ACVR2A: variants seen among roughly 807,000 people sequenced by gnomAD.
ACVR2A encodes activin A receptor type 2A, also known as activin receptor type-2A.
A neutral mutation model predicts 61.4 loss-of-function variants in ACVR2A; 7 were observed. The observed-to-expected ratio is 0.11, with a 90% CI of 0.06 to 0.21. The LOEUF (loss-of-function observed/expected upper bound fraction) is 0.21, where lower values mean the gene tolerates loss of function less well. ACVR2A is among the 10% of genes least tolerant of loss of function. The pLI is 1.00. For synonymous variants in ACVR2A, 193 were observed against 208.3 expected (o/e 0.93, Z 0.63); for missense variants, 322 against 621.7 (o/e 0.52, Z 5.13).
At chr2:147,857,543 A>G (rs953505577) in intron 1 of ACVR2A, among the ~76,000 whole-genome samples, 1 of 151,524 alleles carries the variant, frequency 6.6e-6, no homozygotes, top group Non-Finnish European at 1.5e-5. Context: ...AAAAAAAAAA[A>G]AAAAAAAACA....
chr2:147,890,875 A>G, intron 1 of ACVR2A, among the ~76,000 whole-genome samples: 1 of 152,096 alleles, frequency 6.6e-6, no homozygotes, highest in East Asian at 1.9e-4. Flanking sequence ...CTGATTGCAG[A>G]ATCAGCTTGA....
intron 1 of ACVR2A, among the ~76,000 whole-genome samples, chr2:147,865,960 A>C (rs1475732578): frequency 6.6e-6 from 1 of 152,110 alleles, no homozygotes; most frequent in African/African-American, 2.4e-5. Flanking sequence ...CACCAGGTAA[A>C]TAGAGAGGGA....
At chr2:147,915,717 G>T (rs534969262) in intron 5 of ACVR2A, among the ~76,000 whole-genome samples, 1 of 151,900 alleles carries the variant, frequency 6.6e-6, no homozygotes, top group East Asian at 1.9e-4. Flanking sequence ...TTTTAGAATT[G>T]GTATTTAGAG....
At position 147,928,817 on chromosome 2, in the gene ACVR2A, C is replaced by CATTA. The variant is rs1360298834; in HGVS notation, c.*1547_*1550dup. The CATTA allele has an allele frequency of 6.6e-6, 1 of 152,266 alleles. No individual in the cohort carries two copies. The highest frequency in any genetic ancestry group is 1.5e-5 in the Non-Finnish European group (1 of 67,922). The allele number at this position is 152,266 out of a possible 1,614,324, so 9.4% of individuals were successfully genotyped here. On this transcript the variant is annotated 3_prime_UTR_variant, in exon 11 of 11. Transcript: ENST00000241416. ...AATTTATACAGGCCAAAAAGTAAAA[C>CATTA]ATTAATTTTCTGAATTTCCAGATTA...
chr2:147,904,706 C>T (rs1283082541), intron 4 of ACVR2A, among the ~76,000 whole-genome samples: 1 of 151,854 alleles, frequency 6.6e-6, no homozygotes, highest in African/African-American at 2.4e-5. Flanking sequence ...ACTGAGAAAC[C>T]AAGCCATCTG....
chr2:147,881,760 T>G (rs1686308272), intron 1 of ACVR2A, among the ~76,000 whole-genome samples: 1 of 151,868 alleles, frequency 6.6e-6, no homozygotes, highest in South Asian at 2.1e-4. Flanking sequence ...CTAACTTGTC[T>G]ATCATTAAGT....
chr2:147,867,889 G>C lies in ACVR2A; in HGVS notation c.55+22682G>C, dbSNP rs1041801017. Among the ~76,000 whole-genome samples the C allele has an allele frequency of 3.9e-5, 6 of 152,016 alleles. No individual in the cohort carries two copies. In the East Asian group the frequency reaches 1.2e-3, roughly 29 times the overall value. ...GACTTCTGATCTTTACTACCCTTGT[G>C]CCTTGTGCCTCTACACTCCGCTGAT... On this transcript the variant is annotated intron_variant, in intron 1 of 10. Coordinates refer to ENST00000241416, the MANE Select transcript of ACVR2A (RefSeq NM_001616.5).
At chr2:147,890,402 A>T (rs1187306311) in intron 1 of ACVR2A, among the ~76,000 whole-genome samples, 1 of 150,798 alleles carries the variant, frequency 6.6e-6, no homozygotes, top group African/African-American at 2.4e-5. Context: ...TATATATAGT[A>T]GCATGTATAT....
chr2:147,881,778 A>C (rs2105171567), intron 1 of ACVR2A, among the ~76,000 whole-genome samples: 1 of 151,960 alleles, frequency 6.6e-6, no homozygotes, highest in Non-Finnish European at 1.5e-5. Context: ...AGTTTGTGAG[A>C]GGATAGGACA....
intron 1 of ACVR2A, among the ~76,000 whole-genome samples, chr2:147,856,064 G>C (rs1055131508): frequency 6.6e-6 from 1 of 152,070 alleles, no homozygotes; most frequent in African/African-American, 2.4e-5. Context: ...TACAATAAAG[G>C]CTGAAAGGAT....
chr2:147,921,271 G>A (rs547878376), intron 8 of ACVR2A, among the ~76,000 whole-genome samples: 99 of 152,236 alleles, frequency 6.5e-4, no homozygotes, highest in African/African-American at 2.1e-3. Context: ...CTGACCTCAA[G>A]TGATCCTCCC....
At chr2:147,896,183 T>C (rs1390336687) in intron 1 of ACVR2A, 118 bp from the exon 2 acceptor site, 10 of 860,128 alleles carry the variant, frequency 1.2e-5, no homozygotes, top group Middle Eastern at 3.1e-4. Context: ...CCCAAAGTTA[T>C]AAGTGGGAAG....
chr2:147,845,262 TGCTGGGGGCCGCG>T (rs1685277754), intron 1 of ACVR2A, 55 bp downstream of exon 1: 1 of 1,515,880 alleles, frequency 6.6e-7, no homozygotes, highest in Non-Finnish European at 9.0e-7. Flanking sequence ...CGGCGGCCGC[TGCTGGGGGCCGCG>T]GCTGGTGTTG....
chr2:147,898,022 G>A (rs771764257), intron 2 of ACVR2A, among the ~76,000 whole-genome samples: 5 of 152,084 alleles, frequency 3.3e-5, no homozygotes, highest in Non-Finnish European at 7.4e-5. Context: ...AAACTACTTT[G>A]CTCTTTACCT....
chr2:147,917,553 A>G (rs1687276586), intron 6 of ACVR2A, 127 bp downstream of exon 6: 2 of 1,075,178 alleles, frequency 1.9e-6, no homozygotes. Context: ...CCTGAAAATA[A>G]AAATCATTCT....
At chr2:147,917,257 T>C (rs1391868569) in intron 5 of ACVR2A, 26 bp from the exon 6 acceptor site, 7 of 1,607,504 alleles carry the variant, frequency 4.4e-6, no homozygotes, top group African/African-American at 1.3e-5. Flanking sequence ...CCTTGTGTTC[T>C]TACTATTCTT....
intron 7 of ACVR2A, 43 bp downstream of exon 7, chr2:147,918,635 AT>A: frequency 6.5e-7 from 1 of 1,539,994 alleles, no homozygotes; most frequent in Non-Finnish European, 8.7e-7. Flanking sequence ...TTGAGTATAT[AT>A]TTACTAAACT....
intron 8 of ACVR2A, among the ~76,000 whole-genome samples, chr2:147,921,381 A>G (rs1407659012): frequency 2.0e-5 from 3 of 152,136 alleles, no homozygotes; most frequent in African/African-American, 4.8e-5. Flanking sequence ...AAAAGGTGAC[A>G]TTTTCTACAA....
intron 1 of ACVR2A, among the ~76,000 whole-genome samples, chr2:147,876,076 A>T (rs547911932): frequency 7.9e-5 from 12 of 152,284 alleles, no homozygotes; most frequent in African/African-American, 2.9e-4. Context: ...ATTGAGCTTT[A>T]TTAGATACTG....
Sources: allele counts gnomAD v4.1 joint callset (sites outside exome capture counted in the v4.1 genomes callset), GRCh38; gene constraint gnomAD v4.1.1; transcripts MANE v1.5; gene names NCBI Gene and HGNC (gene_info 2026-07-23, HGNC 2026-07-21).